The following GPR149 variants were observed in gnomAD, a reference collection of about 807,000 sequenced individuals.
GPR149 encodes the protein G protein-coupled receptor 149.
In GPR149, 50 loss-of-function variants were observed where a neutral mutation model predicts 50.2. That is an observed-to-expected ratio of 1.00 (90% CI 0.79 to 1.26). The LOEUF (loss-of-function observed/expected upper bound fraction) is 1.26, where lower values mean the gene tolerates loss of function less well. GPR149 is among the 50% of genes most tolerant of loss of function. GPR149 has a pLI of 0.00. For synonymous variants in GPR149, 405 were observed against 358.2 expected, an observed-to-expected ratio of 1.13 and a Z score of -1.48; for missense variants, 983 against 895.4, an observed-to-expected ratio of 1.10 and a Z score of -1.25.
chr3:154,341,292 C>CAT (rs373212063), intron 3 of GPR149, among the ~76,000 whole-genome samples: 1,532 of 71,756 alleles, frequency 0.021, 45 homozygotes, highest in Non-Finnish European at 0.026. Context: ...AAAAATAAGA[C>CAT]ATATATATAT....
At chr3:154,352,469 T>A in intron 3 of GPR149, 1 of 790,978 alleles carries the variant, frequency 1.3e-6, no homozygotes, top group Non-Finnish European at 2.3e-6. Context: ...CCATATTTCC[T>A]TTCAGGAGGC....
At chr3:154,408,817 C>A (rs1039645379) in intron 3 of GPR149, among the ~76,000 whole-genome samples, 2 of 152,184 alleles carry the variant, frequency 1.3e-5, no homozygotes, top group Admixed American at 6.5e-5. Flanking sequence ...ACCTGAGAAA[C>A]CTGAATACTT....
chr3:154,391,994 C>T (rs971737039), intron 3 of GPR149, among the ~76,000 whole-genome samples: 1 of 151,638 alleles, frequency 6.6e-6, no homozygotes, highest in Admixed American at 6.6e-5. Context: ...ACACATCCAA[C>T]ATCAGAGCAC....
At chr3:154,354,205 A>G in intron 3 of GPR149, 2 of 493,892 alleles carry the variant, frequency 4.0e-6, no homozygotes, top group Non-Finnish European at 7.8e-6. Context: ...TTGATTTCTC[A>G]TCTGGGTCAT....
At chr3:154,364,945 C>A (rs1026465427) in intron 3 of GPR149, among the ~76,000 whole-genome samples, 1 of 152,220 alleles carries the variant, frequency 6.6e-6, no homozygotes, top group Non-Finnish European at 1.5e-5. Context: ...CCCACCTTCA[C>A]AGACCTGCTA....
chr3:154,340,942 G>A (rs1414739363), intron 3 of GPR149, among the ~76,000 whole-genome samples: 1 of 152,002 alleles, frequency 6.6e-6, no homozygotes, highest in Non-Finnish European at 1.5e-5. Context: ...GGCTGGTCTC[G>A]AACTCCTGAC....
intron 3 of GPR149, among the ~76,000 whole-genome samples, chr3:154,403,758 C>A (rs1279889480): frequency 7.0e-6 from 1 of 143,868 alleles, no homozygotes; most frequent in Non-Finnish European, 1.5e-5. Context: ...TGTTGATGGA[C>A]TTTTGGTCCA....
At chr3:154,419,640 G>C (rs1051486351) in intron 3 of GPR149, among the ~76,000 whole-genome samples, 1 of 151,936 alleles carries the variant, frequency 6.6e-6, no homozygotes, top group Non-Finnish European at 1.5e-5. Context: ...ATCTGTAAGG[G>C]GTAATCACGA....
At chr3:154,392,991 T>G (rs1375405684) in intron 3 of GPR149, among the ~76,000 whole-genome samples, 2 of 151,960 alleles carry the variant, frequency 1.3e-5, no homozygotes, top group East Asian at 3.9e-4. Context: ...AATAGTGAAT[T>G]TGAACAAACA....
chr3:154,338,250 T>C lies in GPR149; in HGVS notation c.1645A>G (p.Ile549Val). ...PRQRSGYALAIPLCAFQGTVS... is the reference protein window; with the variant it reads ...PRQRSGYALAVPLCAFQGTVS... ...GTCCCCTGGAATGCACACAAGGGAA[T>C]GGCAAGGGCATAACCGGAACGCTGG... Residue 549 changes from isoleucine to valine, a missense_variant, in exon 4 of 4, where the codon ATT (isoleucine) becomes GTT (valine). Coordinates refer to ENST00000389740, the MANE Select transcript of GPR149 (RefSeq NM_001038705.3). 3 of 1,586,052 alleles carry C rather than the reference T, an allele frequency of 1.9e-6. No homozygotes were observed. Among genetic ancestry groups the C allele is most frequent in the Non-Finnish European group, 2.6e-6 (3 of 1,166,920 alleles).
At chr3:154,346,606 CTT>C (rs531660881) in intron 3 of GPR149, among the ~76,000 whole-genome samples, 6 of 143,836 alleles carry the variant, frequency 4.2e-5, no homozygotes, top group African/African-American at 2.6e-5. Context: ...TTTTCTTTTT[CTT>C]TTTTTTTTTT....
intron 3 of GPR149, among the ~76,000 whole-genome samples, chr3:154,397,053 AT>A (rs1382239563): frequency 1.3e-5 from 2 of 152,064 alleles, no homozygotes; most frequent in Non-Finnish European, 2.9e-5. Context: ...TCTTTTGGAT[AT>A]GGTGAGAGGA....
rs544741468 is a variant in GPR149 at position 154,421,614 on chromosome 3, T to C, written c.1175-127A>G. 7.1e-5 allele frequency: 37 copies of C among 521,012 alleles called. No homozygotes were observed. In the East Asian group the frequency reaches 1.1e-3, roughly 15 times the overall value. The allele number at this position is 521,012 out of a possible 1,614,324, so 32.3% of individuals were successfully genotyped here. On this transcript the variant is annotated intron_variant, in intron 2 of 3. Transcript: ENST00000389740. The stretch of plus-strand genomic sequence containing the variant: ...ATTATACATTTTAAAACTATCTTCA[T>C]TTACTTTTTGTCAGTTATGCAAAGA...
chr3:154,343,958 G>A (rs1487572034), intron 3 of GPR149, among the ~76,000 whole-genome samples: 1 of 151,736 alleles, frequency 6.6e-6, no homozygotes, highest in Non-Finnish European at 1.5e-5. Context: ...CAACCCGGGT[G>A]ACAGTGAGAC....
At chr3:154,423,152 G>A (rs1177260905) in intron 2 of GPR149, among the ~76,000 whole-genome samples, 2 of 151,910 alleles carry the variant, frequency 1.3e-5, no homozygotes, top group African/African-American at 4.8e-5. Context: ...GGGGCAGTGT[G>A]AGGTAGGCTA....
chr3:154,371,124 A>C (rs1714655157), intron 3 of GPR149, among the ~76,000 whole-genome samples: 1 of 152,196 alleles, frequency 6.6e-6, no homozygotes, highest in Non-Finnish European at 1.5e-5. Context: ...TAAAGCTCTC[A>C]AAGGATTACA....
intron 3 of GPR149, among the ~76,000 whole-genome samples, chr3:154,357,998 T>C (rs889907163): frequency 1.3e-5 from 2 of 151,992 alleles, no homozygotes; most frequent in Non-Finnish European, 2.9e-5. Context: ...TAGGGACATG[T>C]ATGAAGCTGG....
chr3:154,381,368 C>A (rs1030461539), intron 3 of GPR149, among the ~76,000 whole-genome samples: 4 of 152,102 alleles, frequency 2.6e-5, no homozygotes, highest in African/African-American at 9.7e-5. Flanking sequence ...CATATACTTG[C>A]TTTTCTGATA....
At position 154,372,722 on chromosome 3, in the gene GPR149, T is replaced by G. The variant is rs535616823; in HGVS notation, c.1624-34451A>C. Among the ~76,000 whole-genome samples, 3 of 152,258 alleles carry G rather than the reference T, an allele frequency of 2.0e-5. No individual in the cohort carries two copies. The South Asian group carries it at 6.2e-4, about 32-fold the overall frequency. On this transcript the variant is annotated intron_variant, in intron 3 of 3. Transcript: ENST00000389740. ...GATAGATGAGAAATAGTGGCTATAATGAGATATTGGTATATCAAGACATAT... is the reference window on the plus strand; with the variant it reads ...GATAGATGAGAAATAGTGGCTATAAGGAGATATTGGTATATCAAGACATAT...
Sources: gnomAD v4.1 joint callset for allele counts (sites outside exome capture counted in the v4.1 genomes callset) on GRCh38, gnomAD v4.1.1 for gene constraint, MANE v1.5 for transcripts, NCBI Gene and HGNC (gene_info 2026-07-23, HGNC 2026-07-21) for gene names.